Variants in RAD51B observed in about 807,000 individuals in gnomAD.
RAD51B encodes the protein RAD51 paralog B, also known as DNA repair protein RAD51 homolog 2.
RAD51B carries 38 observed loss-of-function variants against 42.2 expected under a neutral mutation model. That is an observed-to-expected ratio of 0.90 (90% confidence interval 0.70 to 1.18). The LOEUF is 1.18. RAD51B is among the 50% of genes most tolerant of loss of function. The probability of loss-of-function intolerance (pLI) is 0.00; values close to 1 mark genes in which losing one functional copy is unlikely to be tolerated. For missense variants in RAD51B, 373 were observed against 400.7 expected (o/e 0.93, Z 0.59); for synonymous variants, 154 against 145.2 (o/e 1.06, Z -0.43).
intron 10 of RAD51B, among the ~76,000 whole-genome samples, chr14:68,533,500 A>G (rs1887435907): frequency 1.3e-5 from 2 of 152,226 alleles, no homozygotes; most frequent in Admixed American, 1.3e-4. Context: ...TGCCTTTAAG[A>G]GAAACAGAGC....
chr14:68,432,474 C>T (rs566270655), intron 9 of RAD51B, among the ~76,000 whole-genome samples: 256 of 152,336 alleles, frequency 1.7e-3, no homozygotes, highest in Non-Finnish European at 2.4e-3. Context: ...GTTAGCTCTT[C>T]TTGTTGAATT....
At chr14:68,562,248 C>T (rs1049190935) in intron 10 of RAD51B, 1 of 985,318 alleles carries the variant, frequency 1.0e-6, no homozygotes, top group Admixed American at 6.1e-5. Context: ...GAAAGAACCA[C>T]TCAACAGGTG....
intron 10 of RAD51B, among the ~76,000 whole-genome samples, chr14:68,517,213 AGAAAG>A (rs375053092): frequency 4.0e-5 from 5 of 123,710 alleles, no homozygotes; most frequent in African/African-American, 1.5e-4. Flanking sequence ...CACAAAGAAA[AGAAAG>A]GGAAGGGAAG....
chr14:67,852,882 T>C (rs1023508121), intron 4 of RAD51B, among the ~76,000 whole-genome samples: 1 of 152,224 alleles, frequency 6.6e-6, no homozygotes, highest in Non-Finnish European at 1.5e-5. Context: ...CCCTAATCCC[T>C]GGAACCTTTG....
At position 68,411,491 on chromosome 14, in the gene RAD51B, G is replaced by A; in HGVS notation, c.921G>A (p.Arg307=). The change falls in exon 9 of 11, where the codon CGG becomes CGA. Residue 307 remains arginine (R), a synonymous_variant. Transcript: ENST00000471583. ...CCTGGAGTCACAGTGTGAATACCCG[G>A]CTGATCCTCCAGTACCTTGATTCAG... ...GNTWSHSVNT[R]LILQYLDSER... is the part of the protein sequence containing the mutation. The A allele has an allele frequency of 6.2e-7, 1 of 1,614,088 alleles. No homozygotes were observed.
intron 7 of RAD51B, among the ~76,000 whole-genome samples, chr14:68,289,370 T>C (rs2025011): frequency 0.018 from 2,728 of 152,266 alleles, 71 homozygotes; most frequent in African/African-American, 0.061. Flanking sequence ...AGGATCAAAA[T>C]TGGAATTTGA....
chr14:67,932,070 G>A (rs1163213576), intron 7 of RAD51B, among the ~76,000 whole-genome samples: 1 of 152,158 alleles, frequency 6.6e-6, no homozygotes, highest in Non-Finnish European at 1.5e-5. Context: ...AATTGAACAT[G>A]TCACCCAGGA....
intron 7 of RAD51B, among the ~76,000 whole-genome samples, chr14:68,037,307 G>A (rs926561312): frequency 2.7e-5 from 4 of 147,502 alleles, no homozygotes; most frequent in Non-Finnish European, 4.5e-5. Context: ...TGCAACCTCC[G>A]CCTCCTGGGT....
Position 67,893,498 on chromosome 14 carries a change from ACAC to A in RAD51B, c.756+6295_756+6297del, listed in dbSNP as rs1221656442. 5.9e-4 allele frequency among the ~76,000 whole-genome samples: 58 copies of A among 98,230 alleles called. 1 individual carries two copies. Among genetic ancestry groups the A allele is most frequent in the South Asian group, 2.1e-3 (6 of 2,882 alleles). 64.4% of individuals were successfully genotyped at this position (98,230 alleles called of 152,430 possible). The stretch of plus-strand genomic sequence containing the variant: ...CACACACACACACACACACACACAC[ACAC>A]ACACACACAAAAAAAAACAATTAGC... On this transcript the variant is annotated intron_variant, in intron 7 of 10. Coordinates refer to ENST00000471583, the MANE Select transcript of RAD51B (RefSeq NM_133510.4).
At chr14:68,282,301 CGG>C (rs1023598986) in intron 7 of RAD51B, among the ~76,000 whole-genome samples, 1 of 152,066 alleles carries the variant, frequency 6.6e-6, no homozygotes, top group Non-Finnish European at 1.5e-5. Context: ...TCCTTTTTAA[CGG>C]GCTTGTACCA....
At chr14:67,893,954 T>C (rs568883765) in intron 7 of RAD51B, among the ~76,000 whole-genome samples, 1 of 152,334 alleles carries the variant, frequency 6.6e-6, no homozygotes, top group African/African-American at 2.4e-5. Context: ...ACCACCTTCA[T>C]TGCCATCATC....
rs1025887832 is a variant in RAD51B, at chr14:68,681,216, G to A, written c.*11+30360G>A. On this transcript the variant is annotated intron_variant, in intron 11 of 11. Transcript: ENST00000488612. ...GCTGCCTTTACCTAGGGCATTATTC[G>A]ATTTTTGAATTGTGGAGACTGAAAA... is the stretch of plus-strand genomic sequence containing the variant. 3.9e-5 allele frequency among the ~76,000 whole-genome samples: 6 copies of A among 152,108 alleles called. No individual in the cohort carries two copies. The South Asian group carries it at 1.0e-3, about 26-fold the overall frequency.
At chr14:68,240,811 C>T (rs1253156890) in intron 7 of RAD51B, among the ~76,000 whole-genome samples, 2 of 152,132 alleles carry the variant, frequency 1.3e-5, no homozygotes, top group African/African-American at 4.8e-5. Context: ...AATTATCTTA[C>T]GCTTTTGTTG....
chr14:68,014,380 A>G (rs1429600685), intron 7 of RAD51B, among the ~76,000 whole-genome samples: 1 of 151,994 alleles, frequency 6.6e-6, no homozygotes, highest in East Asian at 1.9e-4. Context: ...CATTAGTGCT[A>G]TCTTCAGGAT....
At chr14:68,393,641 C>T (rs1248529600) in intron 8 of RAD51B, among the ~76,000 whole-genome samples, 5 of 152,070 alleles carry the variant, frequency 3.3e-5, no homozygotes, top group Non-Finnish European at 7.4e-5. Flanking sequence ...TTTATTGAGC[C>T]GCTCCATGGG....
At chr14:68,563,047 T>G (rs1566938628) in intron 10 of RAD51B, 1 of 985,340 alleles carries the variant, frequency 1.0e-6, no homozygotes, top group East Asian at 1.1e-4. Context: ...CCCTGGCCGC[T>G]TCTCTAGCCA....
At chr14:68,553,079 G>A (rs544391990) in intron 10 of RAD51B, among the ~76,000 whole-genome samples, 1 of 151,910 alleles carries the variant, frequency 6.6e-6, no homozygotes, top group Non-Finnish European at 1.5e-5. Flanking sequence ...TTCCTCTATC[G>A]CACATATTTG....
At chr14:68,083,314 C>G (rs748902236) in intron 7 of RAD51B, among the ~76,000 whole-genome samples, 2 of 152,150 alleles carry the variant, frequency 1.3e-5, no homozygotes, top group African/African-American at 2.4e-5. Context: ...ATTTAATGAT[C>G]ACAAACTCTG....
intron 10 of RAD51B, among the ~76,000 whole-genome samples, chr14:68,645,629 C>G (rs1204811351): frequency 6.6e-6 from 1 of 152,176 alleles, no homozygotes; most frequent in African/African-American, 2.4e-5. Context: ...TAGTGTACAA[C>G]AGTTTCAATG....
Sources: allele counts gnomAD v4.1 joint callset (sites outside exome capture counted in the v4.1 genomes callset), GRCh38; gene constraint gnomAD v4.1.1; transcripts MANE v1.5; gene names NCBI Gene and HGNC (gene_info 2026-07-23, HGNC 2026-07-21).